The following SYNPO2 variants were observed in gnomAD, a reference collection of about 807,000 sequenced individuals.
SYNPO2 encodes the protein synaptopodin-2.
A neutral mutation model predicts 85.0 loss-of-function variants in SYNPO2; 56 were observed. That is an observed-to-expected ratio of 0.66 (90% CI 0.53 to 0.82). SYNPO2 has a LOEUF of 0.82. SYNPO2 is among the 40% of genes least tolerant of loss of function. SYNPO2 has a pLI of 0.00. For synonymous variants in SYNPO2, 602 were observed against 591.1 expected (o/e 1.02, Z -0.27); for missense variants, 1,575 against 1,534.2 (o/e 1.03, Z -0.44).
intron 4 of SYNPO2, chr4:119,043,614 T>G (rs540251228): frequency 6.6e-5 from 10 of 152,192 alleles, no homozygotes; most frequent in Admixed American, 2.0e-4. Context: ...CTCAAGACAA[T>G]TATACATTGC....
intron 1 of SYNPO2, among the ~76,000 whole-genome samples, chr4:118,911,961 T>C (rs1038093658): frequency 6.6e-5 from 10 of 152,242 alleles, no homozygotes; most frequent in African/African-American, 2.2e-4. Flanking sequence ...ATAAGATTGA[T>C]TAAAGAATGC....
rs545792012 is a variant in SYNPO2 at position 119,035,231 on chromosome 4, C to A, written c.3252+3204C>A. On this transcript the variant is annotated intron_variant, in intron 4 of 4. Coordinates refer to ENST00000307142, the MANE Select transcript of SYNPO2 (RefSeq NM_133477.3). The stretch of plus-strand genomic sequence containing the variant: ...GTTTCCCCTTAATCATGTGTCAAAC[C>A]TCTCTTCCTGACGGGAATGTTGTGC... The A allele has an allele frequency of 8.0e-5, 79 of 985,412 alleles. 3 individuals carry two copies. In the South Asian group the frequency reaches 3.2e-3, roughly 40 times the overall value. 61.0% of individuals were successfully genotyped at this position (985,412 alleles called of 1,614,324 possible).
chr4:119,001,052 C>T (rs1736804946), intron 1 of SYNPO2, among the ~76,000 whole-genome samples: 1 of 152,152 alleles, frequency 6.6e-6, no homozygotes. Context: ...CACACTTTCC[C>T]CTCAAGAGGT....
At chr4:119,012,889 T>G (rs1342543738) in intron 1 of SYNPO2, among the ~76,000 whole-genome samples, 1 of 152,110 alleles carries the variant, frequency 6.6e-6, no homozygotes, top group Non-Finnish European at 1.5e-5. Context: ...CTGTCAGCCT[T>G]TGTTCCCTAG....
At chr4:118,896,693 T>A (rs1407153664) in intron 1 of SYNPO2, among the ~76,000 whole-genome samples, 1 of 152,234 alleles carries the variant, frequency 6.6e-6, no homozygotes, top group Non-Finnish European at 1.5e-5. Context: ...AAACTGTATC[T>A]TCAAGTCTTT....
intron 4 of SYNPO2, among the ~76,000 whole-genome samples, chr4:119,041,511 T>G (rs1031107316): frequency 6.6e-6 from 1 of 152,132 alleles, no homozygotes; most frequent in African/African-American, 2.4e-5. Context: ...GTCTGTTGGT[T>G]GTGGTTGGAT....
At position 119,023,415 on chromosome 4, in the gene SYNPO2, T is replaced by G; in HGVS notation, c.106-15T>G. On this transcript the variant is annotated splice_polypyrimidine_tract_variant and intron_variant, in intron 1 of 4. Transcript: ENST00000307142. ...TATATCATTCTACTATGTCTTCTTTTTTTACTCCACTCAGATTCGAAATCA... is the reference window on the plus strand; with the variant it reads ...TATATCATTCTACTATGTCTTCTTTGTTTACTCCACTCAGATTCGAAATCA... 6.3e-7 allele frequency: 1 copy of G among 1,594,160 alleles called. No homozygotes were observed. Among genetic ancestry groups the G allele is most frequent in the Non-Finnish European group, 8.5e-7 (1 of 1,171,820 alleles).
At chr4:119,015,335 AT>A (rs1737486763) in intron 1 of SYNPO2, among the ~76,000 whole-genome samples, 1 of 152,116 alleles carries the variant, frequency 6.6e-6, no homozygotes, top group Non-Finnish European at 1.5e-5. Flanking sequence ...TTGGAGAAAA[AT>A]TTTCATTTTA....
At position 118,964,584 on chromosome 4, in the gene SYNPO2, T is replaced by C. The variant is rs112695745; in HGVS notation, c.106-58846T>C. Reference sequence around the variant, plus strand: ...TCAGGTTTTATTTATTAGGGTGACATACTATTTCTCTCTCCCTCTCACTCT... The same window carrying C: ...TCAGGTTTTATTTATTAGGGTGACACACTATTTCTCTCTCCCTCTCACTCT... On this transcript the variant is annotated intron_variant, in intron 1 of 4. Coordinates refer to ENST00000307142, the MANE Select transcript of SYNPO2 (RefSeq NM_133477.3). Among the ~76,000 whole-genome samples, 291 of 152,218 alleles carry C rather than the reference T, an allele frequency of 1.9e-3. 2 individuals are homozygous for C. Among genetic ancestry groups the C allele is most frequent in the Non-Finnish European group, 3.5e-3 (237 of 68,006 alleles).
chr4:118,933,829 GTT>G (rs71595334), intron 1 of SYNPO2, among the ~76,000 whole-genome samples: 2,039 of 102,306 alleles, frequency 0.02, 71 homozygotes, highest in African/African-American at 0.066. Context: ...TGTTGTTGTT[GTT>G]TTTTTTTTTT....
intron 1 of SYNPO2, among the ~76,000 whole-genome samples, chr4:118,965,602 C>T (rs1479927579): frequency 6.6e-6 from 1 of 152,142 alleles, no homozygotes; most frequent in Non-Finnish European, 1.5e-5. Flanking sequence ...TATGGTTACA[C>T]AGTATTGTTT....
intron 1 of SYNPO2, among the ~76,000 whole-genome samples, chr4:118,860,099 A>G (rs1176736997): frequency 6.6e-6 from 1 of 152,184 alleles, no homozygotes; most frequent in African/African-American, 2.4e-5. Context: ...TCTTTTGGAT[A>G]AAAGCCATTT....
At chr4:118,935,631 G>A (rs1259826999) in intron 1 of SYNPO2, among the ~76,000 whole-genome samples, 11 of 152,220 alleles carry the variant, frequency 7.2e-5, no homozygotes, top group African/African-American at 1.9e-4. Flanking sequence ...GCGCTGGGGC[G>A]CCAACCCCCA....
At chr4:118,910,208 T>C (rs1170877337) in intron 1 of SYNPO2, among the ~76,000 whole-genome samples, 3 of 152,238 alleles carry the variant, frequency 2.0e-5, no homozygotes, top group Admixed American at 1.3e-4. Flanking sequence ...TTTGACATGA[T>C]GCTTCTCCTC....
chr4:118,859,630 A>G (rs1731575045), intron 1 of SYNPO2, among the ~76,000 whole-genome samples: 2 of 152,166 alleles, frequency 1.3e-5, no homozygotes, highest in South Asian at 4.1e-4. Flanking sequence ...CATTAGCTCA[A>G]TTGTTTTAAG....
At chr4:118,970,890 C>G (rs530478073) in intron 1 of SYNPO2, among the ~76,000 whole-genome samples, 1 of 152,284 alleles carries the variant, frequency 6.6e-6, no homozygotes, top group South Asian at 2.1e-4. Context: ...TCAAAAAGAT[C>G]ACTTTAGTTT....
chr4:118,880,746 C>CTAAAAAA (rs1732071869), intron 1 of SYNPO2, among the ~76,000 whole-genome samples: 2 of 131,788 alleles, frequency 1.5e-5, no homozygotes, highest in Non-Finnish European at 1.6e-5. Context: ...GACTCTGTCC[C>CTAAAAAA]AAAAAAAAAA....
intron 1 of SYNPO2, among the ~76,000 whole-genome samples, chr4:118,879,471 C>T (rs546712757): frequency 2.0e-5 from 3 of 152,170 alleles, no homozygotes; most frequent in Middle Eastern, 6.8e-3. Flanking sequence ...CCCTGTAAGA[C>T]GAGAGACACA....
intron 4 of SYNPO2, among the ~76,000 whole-genome samples, chr4:119,045,604 G>A (rs556268541): frequency 2.0e-4 from 30 of 152,248 alleles, no homozygotes; most frequent in African/African-American, 6.0e-4. Flanking sequence ...TTTTTCTACC[G>A]TGGGAATCTA....
Sources: allele counts gnomAD v4.1 joint callset (sites outside exome capture counted in the v4.1 genomes callset), GRCh38; gene constraint gnomAD v4.1.1; transcripts MANE v1.5; gene names NCBI Gene and HGNC (gene_info 2026-07-23, HGNC 2026-07-21).